The following ALK variants were observed in gnomAD, a reference collection of about 807,000 sequenced individuals.
ALK encodes ALK receptor tyrosine kinase.
Under a neutral mutation model 163.1 loss-of-function variants are expected in ALK, and 74 were observed. That is an observed-to-expected ratio of 0.45 (90% CI 0.38 to 0.55). The LOEUF is 0.55. Among genes scored for constraint, ALK ranks in the 20% least tolerant of loss-of-function variants. The probability of loss-of-function intolerance (pLI) is 0.00; values close to 1 mark genes in which losing one functional copy is unlikely to be tolerated. For synonymous variants in ALK, 960 were observed against 843.2 expected (o/e 1.14, Z -2.40); for missense variants, 2,063 against 2,105.3 (o/e 0.98, Z 0.39).
chr2:29,526,396 G>T (rs1325898139), intron 4 of ALK, among the ~76,000 whole-genome samples: 2 of 152,186 alleles, frequency 1.3e-5, no homozygotes, highest in Admixed American at 6.5e-5. Flanking sequence ...CTGTAACAAG[G>T]TGTCTGAGAA....
intron 9 of ALK, among the ~76,000 whole-genome samples, chr2:29,287,977 A>G (rs557217610): frequency 2.0e-5 from 3 of 151,650 alleles, no homozygotes; most frequent in Admixed American, 1.3e-4. Context: ...CCCCTCTCAC[A>G]TACATGTGGC....
chr2:29,334,086 C>T (rs147523963), intron 5 of ALK, among the ~76,000 whole-genome samples: 25 of 152,290 alleles, frequency 1.6e-4, no homozygotes, highest in African/African-American at 4.8e-4. Flanking sequence ...CTTCCTCTTT[C>T]GGCCCTGGGG....
intron 1 of ALK, among the ~76,000 whole-genome samples, chr2:29,793,602 T>A (rs1313946559): frequency 6.6e-6 from 1 of 152,096 alleles, no homozygotes; most frequent in East Asian, 1.9e-4. Flanking sequence ...CCACTATCCA[T>A]GGATTGCAGA....
intron 6 of ALK, among the ~76,000 whole-genome samples, chr2:29,322,164 T>G (rs1343578756): frequency 6.6e-6 from 1 of 152,238 alleles, no homozygotes; most frequent in Admixed American, 6.5e-5. Context: ...CAGCACTGCA[T>G]GTCCTTCCTC....
At position 29,825,303 on chromosome 2, in the gene ALK, C is replaced by CAT. The variant is rs1665166437; in HGVS notation, c.667+94688_667+94689dup. Reference sequence around the variant, plus strand: ...TTCATCTGTCCATCCATTCATTCATCATATATGTATTAAGTGCCTATTGTG... The same window carrying CAT: ...TTCATCTGTCCATCCATTCATTCATCATATATATGTATTAAGTGCCTATTGTG... On this transcript the variant is annotated intron_variant, in intron 1 of 28. Coordinates refer to ENST00000389048, the MANE Select transcript of ALK (RefSeq NM_004304.5). Among the ~76,000 whole-genome samples the CAT allele has an allele frequency of 3.3e-5, 5 of 152,320 alleles. No individual in the cohort carries two copies. The South Asian group carries it at 1.0e-3, about 32-fold the overall frequency.
At chr2:29,230,429 T>C (rs73920742) in intron 15 of ALK, among the ~76,000 whole-genome samples, 518 of 152,158 alleles carry the variant, frequency 3.4e-3, no homozygotes, top group African/African-American at 0.012. Context: ...GCTGGGGACC[T>C]GGAAATTGAT....
At chr2:29,261,204 C>T (rs999871209) in intron 11 of ALK, among the ~76,000 whole-genome samples, 2 of 152,166 alleles carry the variant, frequency 1.3e-5, no homozygotes, top group Admixed American at 1.3e-4. Context: ...TCTTTCCTGT[C>T]TTATATCTTG....
At chr2:29,465,905 A>G (rs942797171) in intron 4 of ALK, among the ~76,000 whole-genome samples, 2 of 152,176 alleles carry the variant, frequency 1.3e-5, no homozygotes, top group African/African-American at 2.4e-5. Context: ...ATGAGTTTAT[A>G]ACATATGTAG....
intron 19 of ALK, among the ~76,000 whole-genome samples, chr2:29,224,878 G>A (rs1054170127): frequency 6.6e-6 from 1 of 152,176 alleles, no homozygotes. Flanking sequence ...CTTTCCCTCT[G>A]CCCTTTTCAA....
At chr2:29,705,530 T>C (rs1359798533) in intron 2 of ALK, among the ~76,000 whole-genome samples, 1 of 151,578 alleles carries the variant, frequency 6.6e-6, no homozygotes, top group Non-Finnish European at 1.5e-5. Context: ...CCCTATTTTA[T>C]ATCAACCTCT....
chr2:29,420,972 C>T (rs944893402), intron 4 of ALK, among the ~76,000 whole-genome samples: 13 of 151,550 alleles, frequency 8.6e-5, no homozygotes, highest in African/African-American at 2.9e-4. Flanking sequence ...CATCACAGAA[C>T]TTGTCAGGAA....
At chr2:29,232,816 A>G (rs924886434) in intron 14 of ALK, among the ~76,000 whole-genome samples, 2 of 152,020 alleles carry the variant, frequency 1.3e-5, no homozygotes, top group Non-Finnish European at 2.9e-5. Context: ...AGGTCTCTCT[A>G]TGCTCTCTCT....
chr2:29,193,859 T>TCTCTTC lies in ALK; in HGVS notation c.4222_4227dup (p.Glu1408_Glu1409dup). The stretch of plus-strand genomic sequence containing the variant: ...GGGTCCTTGGGCCTCACAGGCACTT[T>TCTCTTC]CTCTTCCTCTTCCACAAGTGGACCA... On this transcript the variant is annotated inframe_insertion, in exon 29 of 29. Transcript: ENST00000389048. The TCTCTTC allele has an allele frequency of 6.2e-7, 1 of 1,613,898 alleles. No individual in the cohort carries two copies. Among genetic ancestry groups the TCTCTTC allele is most frequent in the Non-Finnish European group, 8.5e-7 (1 of 1,179,926 alleles).
At chr2:29,591,369 C>T (rs1488506059) in intron 3 of ALK, among the ~76,000 whole-genome samples, 1 of 152,122 alleles carries the variant, frequency 6.6e-6, no homozygotes, top group Non-Finnish European at 1.5e-5. Flanking sequence ...TTAAAGACTA[C>T]TTGGCTTTTG....
intron 3 of ALK, among the ~76,000 whole-genome samples, chr2:29,681,762 C>A (rs992838210): frequency 6.0e-5 from 9 of 150,408 alleles, no homozygotes; most frequent in Non-Finnish European, 1.2e-4. Context: ...TACATTACCC[C>A]CTTCCCCCCC....
intron 4 of ALK, among the ~76,000 whole-genome samples, chr2:29,422,894 T>C (rs527317969): frequency 7.6e-4 from 115 of 151,456 alleles, no homozygotes; most frequent in African/African-American, 2.8e-3. Flanking sequence ...CAAGCCTCAA[T>C]CCTAATAACA....
At chr2:29,479,298 A>C (rs1256356195) in intron 4 of ALK, among the ~76,000 whole-genome samples, 2 of 152,300 alleles carry the variant, frequency 1.3e-5, no homozygotes, top group African/African-American at 4.8e-5. Context: ...CTGAGACCTC[A>C]ACCACAGCCT....
intron 3 of ALK, among the ~76,000 whole-genome samples, chr2:29,677,366 T>G (rs1485746114): frequency 2.0e-5 from 3 of 151,274 alleles, no homozygotes; most frequent in African/African-American, 7.3e-5. Flanking sequence ...ATTCTTAATC[T>G]TGGAGACAAG....
intron 3 of ALK, among the ~76,000 whole-genome samples, chr2:29,565,323 G>A (rs1674147799): frequency 6.6e-6 from 1 of 152,180 alleles, no homozygotes; most frequent in African/African-American, 2.4e-5. Flanking sequence ...GGGTCTTCCG[G>A]CGTTAGCTTC....
Sources: allele counts gnomAD v4.1 joint callset (sites outside exome capture counted in the v4.1 genomes callset), GRCh38; gene constraint gnomAD v4.1.1; transcripts MANE v1.5; gene names NCBI Gene and HGNC (gene_info 2026-07-23, HGNC 2026-07-21).